KANK4: variants seen among roughly 807,000 people sequenced by gnomAD.
KANK4 encodes KN motif and ankyrin repeat domain-containing protein 4.
KANK4 carries 50 observed loss-of-function variants against 80.8 expected under a neutral mutation model. The observed-to-expected ratio is 0.62, with a 90% CI of 0.49 to 0.78. The LOEUF (loss-of-function observed/expected upper bound fraction) is 0.78, where lower values mean the gene tolerates loss of function less well. Among genes scored for constraint, KANK4 ranks in the 30% least tolerant of loss-of-function variants. The pLI is 0.00. For synonymous variants in KANK4, 465 were observed against 506.9 expected (o/e 0.92, Z 1.11); for missense variants, 1,196 against 1,240.1 (o/e 0.96, Z 0.53).
In KANK4 at chr1:62,274,192, C is replaced by T. The variant is rs144339022; in HGVS notation, c.912G>A (p.Glu304=). 1,335 of 1,614,140 alleles carry T rather than the reference C, an allele frequency of 8.3e-4. 3 individuals are homozygous for T. The highest frequency in any genetic ancestry group is 1.0e-3 in the Non-Finnish European group (1,221 of 1,180,024). ...GGGGTGGAATCTCGCTGATGTTGAG[C>T]TCGATTTCTTCCAGGAGGAGCTCAT... The part of the protein sequence containing the change: ...PENELLLEEI[E]LNISEIPPPP... The change falls in exon 3 of 10, where the codon GAG becomes GAA. Residue 304 remains glutamate, a synonymous_variant. Transcript: ENST00000371153.
At chr1:62,264,838 T>C (rs1557481339) in intron 6 of KANK4, among the ~76,000 whole-genome samples, 1 of 152,258 alleles carries the variant, frequency 6.6e-6, no homozygotes, top group East Asian at 1.9e-4. Flanking sequence ...GTTTGGTTGG[T>C]TGGTTTCTTT....
In KANK4 at chr1:62,273,826, C is replaced by G; in HGVS notation, c.1278G>C (p.Glu426Asp). 1 of 1,614,194 alleles carries G rather than the reference C, an allele frequency of 6.2e-7. No homozygotes were observed. Among genetic ancestry groups the G allele is most frequent in the Non-Finnish European group, 8.5e-7 (1 of 1,180,032 alleles). ...TGACTTCAATGCCCTTATCACACGA[C>G]TCCCTGGTCAAGAGTCCATGGACAG... The part of the protein sequence containing the change: ...TDPVHGLLTR[E>D]SCDKGIEVNL... Residue 426 changes from glutamate to aspartate, a missense_variant, in exon 3 of 10, where the codon GAG becomes GAC. Physicochemically the swap from Glu to Asp is conservative, Grantham distance 45. This residue lies in a region of KANK4 where 1,154 missense variants were observed against 1,179.6 expected (regional missense o/e 0.98). Transcript: ENST00000371153.
intron 1 of KANK4, among the ~76,000 whole-genome samples, chr1:62,316,466 G>C (rs1644541116): frequency 6.6e-6 from 1 of 152,216 alleles, no homozygotes. Flanking sequence ...GCTGGAAGGA[G>C]CTTTAAACTG....
Position 62,238,337 on chromosome 1 carries a change from A to T in KANK4, c.2928T>A (p.His976Gln). ...ALSIALKSPT[H>Q]MEIAGLLRAH... ...CTCTCAGAAGCCCAGCAATTTCCATATGGGTGGGTGACTTCAGAGCGATGG... is the reference window on the plus strand; with the variant it reads ...CTCTCAGAAGCCCAGCAATTTCCATTTGGGTGGGTGACTTCAGAGCGATGG... Residue 976 changes from histidine to glutamine, a missense_variant, in exon 10 of 10, where the codon CAT becomes CAA. His to Gln is a conservative substitution (Grantham distance 24). Transcript: ENST00000371153. 1 of 1,614,018 alleles carries T rather than the reference A, an allele frequency of 6.2e-7. No individual in the cohort carries two copies.
chr1:62,273,478 G>C lies in KANK4; in HGVS notation c.1626C>G (p.Leu542=), dbSNP rs1672217983. The C allele has an allele frequency of 6.2e-7, 1 of 1,613,904 alleles. No individual in the cohort carries two copies. Among genetic ancestry groups the C allele is most frequent in the Non-Finnish European group, 8.5e-7 (1 of 1,179,974 alleles). ...PAGREETSSN[L]PGKEHPGRPP... ...GCCTTCCCGGGTGCTCCTTCCCTGG[G>C]AGATTGGAACTGGTCTCCTCCCTCC... is the stretch of plus-strand genomic sequence containing the variant. The change falls in exon 3 of 10, where the codon CTC becomes CTG. Residue 542 remains leucine (L), a synonymous_variant. Coordinates refer to ENST00000371153, the MANE Select transcript of KANK4 (RefSeq NM_181712.5).
At chr1:62,303,306 G>A (rs865984075) in intron 1 of KANK4, among the ~76,000 whole-genome samples, 2 of 152,016 alleles carry the variant, frequency 1.3e-5, no homozygotes, top group Non-Finnish European at 2.9e-5. Flanking sequence ...AAAAGTCAAA[G>A]GAGTTGAGAG....
chr1:62,273,480 G>T lies in KANK4; in HGVS notation c.1624C>A (p.Leu542Ile). The change falls in exon 3 of 10, where the codon CTC (leucine) becomes ATC (isoleucine). Residue 542 changes from leucine (L) to isoleucine (I), a missense_variant. This residue lies in a region of KANK4 where 1,154 missense variants were observed against 1,179.6 expected (regional missense o/e 0.98). Coordinates refer to ENST00000371153, the MANE Select transcript of KANK4 (RefSeq NM_181712.5). Reference protein sequence around the residue: ...PAGREETSSNLPGKEHPGRPP... With the variant: ...PAGREETSSNIPGKEHPGRPP... ...CTTCCCGGGTGCTCCTTCCCTGGGA[G>T]ATTGGAACTGGTCTCCTCCCTCCCT... The T allele has an allele frequency of 6.2e-7, 1 of 1,614,088 alleles. No individual in the cohort carries two copies. The highest frequency in any genetic ancestry group is 2.2e-5 in the East Asian group (1 of 44,884).
intron 1 of KANK4, among the ~76,000 whole-genome samples, chr1:62,309,321 A>T (rs1224529428): frequency 6.6e-6 from 1 of 152,162 alleles, no homozygotes. Flanking sequence ...ATACCATCAC[A>T]TTGGGGATTA....
chr1:62,269,175 C>T (rs761418287), intron 4 of KANK4, among the ~76,000 whole-genome samples: 11 of 152,344 alleles, frequency 7.2e-5, no homozygotes, highest in East Asian at 1.9e-4. Context: ...CTGGTAGTGA[C>T]GCTTATGCTC....
Position 62,268,397 on chromosome 1 carries a change from G to C in KANK4, c.2121C>G (p.Val707=), listed in dbSNP as rs149825053. Residue 707 remains valine, a synonymous_variant, in exon 5 of 10, where the codon GTC becomes GTG. Transcript: ENST00000371153. ...CCTCGCAGGTGAGATGGGCATCTTT[G>C]ACATGCTTGTGATCTGGGCCGTCAC... is the stretch of plus-strand genomic sequence containing the variant. The part of the protein sequence containing the change: ...KKCDGPDHKH[V]KDAHLTCEAG... 4 of 1,613,914 alleles carry C rather than the reference G, an allele frequency of 2.5e-6. No homozygotes were observed. Among genetic ancestry groups the C allele is most frequent in the Non-Finnish European group, 3.4e-6 (4 of 1,180,018 alleles).
chr1:62,318,878 T>A (rs2149178614), intron 1 of KANK4, among the ~76,000 whole-genome samples: 1 of 152,262 alleles, frequency 6.6e-6, no homozygotes, highest in African/African-American at 2.4e-5. Flanking sequence ...CCGCTCCTTT[T>A]CTGTCGCAGA....
At chr1:62,287,496 C>G (rs1672595077) in intron 1 of KANK4, among the ~76,000 whole-genome samples, 1 of 152,206 alleles carries the variant, frequency 6.6e-6, no homozygotes, top group African/African-American at 2.4e-5. Flanking sequence ...GAGTGTCACC[C>G]TGAAACGCTG....
intron 7 of KANK4, among the ~76,000 whole-genome samples, chr1:62,257,286 C>T (rs919098513): frequency 1.3e-5 from 2 of 152,146 alleles, no homozygotes; most frequent in Non-Finnish European, 2.9e-5. Context: ...TGGGGTTTCG[C>T]CATGTTGGCC....
intron 9 of KANK4, among the ~76,000 whole-genome samples, chr1:62,246,529 A>G (rs942510448): frequency 6.6e-6 from 1 of 152,118 alleles, no homozygotes; most frequent in African/African-American, 2.4e-5. Context: ...TGGTGTTGTG[A>G]AAGGTCAGGG....
rs1240131014 is a variant in KANK4 at position 62,247,320 on chromosome 1, T to TA, written c.2883+151dup. The TA allele has an allele frequency of 2.3e-4, 133 of 568,366 alleles. No individual in the cohort carries two copies. The South Asian group carries it at 2.8e-3, about 12-fold the overall frequency. 35.2% of individuals were successfully genotyped at this position (568,366 alleles called of 1,614,324 possible). On this transcript the variant is annotated intron_variant, in intron 9 of 9. Transcript: ENST00000371153. ...AAACAGCTACTTTTTTTTTTTTTTTTAAGAGATGGGGGTCTCCCTATGTTG... is the reference window on the plus strand; with the variant it reads ...AAACAGCTACTTTTTTTTTTTTTTTTAAAGAGATGGGGGTCTCCCTATGTTG...
chr1:62,309,755 C>T (rs1185421357), intron 1 of KANK4, among the ~76,000 whole-genome samples: 2 of 152,152 alleles, frequency 1.3e-5, no homozygotes, highest in South Asian at 2.1e-4. Flanking sequence ...CACTCTTCCA[C>T]GGGCCACACT....
rs1397110606 is a variant in KANK4 at position 62,319,146 on chromosome 1, T to C, written c.-111A>G. 1 of 152,262 alleles carries C rather than the reference T, an allele frequency of 6.6e-6. No homozygotes were observed. The highest frequency in any genetic ancestry group is 6.5e-5 in the Admixed American group (1 of 15,284). The allele number at this position is 152,262 out of a possible 1,614,324, so 9.4% of individuals were successfully genotyped here. ...AAGTCCTGCGCGAGGCGGCCCGCGGTGCACGGGGCCGGGGCAGCTAGGCGC... is the reference window on the plus strand; with the variant it reads ...AAGTCCTGCGCGAGGCGGCCCGCGGCGCACGGGGCCGGGGCAGCTAGGCGC... On this transcript the variant is annotated 5_prime_UTR_variant, in exon 1 of 10. Transcript: ENST00000371153.
chr1:62,289,424 G>A (rs1388318117), intron 1 of KANK4, among the ~76,000 whole-genome samples: 1 of 152,124 alleles, frequency 6.6e-6, no homozygotes, highest in African/African-American at 2.4e-5. Flanking sequence ...CCTCAGTGTT[G>A]ATGAGGAGGG....
In KANK4 at chr1:62,238,033, A is replaced by G. The variant is rs369274343; in HGVS notation, c.*244T>C. 6.7e-5 allele frequency: 29 copies of G among 431,046 alleles called. 1 individual carries two copies. In the East Asian group the frequency reaches 6.9e-4, roughly 10 times the overall value. 26.7% of individuals were successfully genotyped at this position (431,046 alleles called of 1,614,324 possible). A position where few individuals can be genotyped will look rare whatever the true frequency, so the allele number is the denominator to read the frequency against. On this transcript the variant is annotated 3_prime_UTR_variant, in exon 10 of 10. Transcript: ENST00000371153. ...TTGGATGTTTGGATGACACCGACGT[A>G]CCCCTCACCTTGCACCTTGAACCCT...
Sources: gnomAD v4.1 joint callset for allele counts (sites outside exome capture counted in the v4.1 genomes callset) on GRCh38, gnomAD v4.1.1 for gene constraint, gnomAD v4.1.1 regional missense constraint, MANE v1.5 for transcripts, NCBI Gene and HGNC (gene_info 2026-07-23, HGNC 2026-07-21) for gene names.